The following RTN4RL1 variants were observed in gnomAD, a reference collection of about 807,000 sequenced individuals.
RTN4RL1 encodes the protein reticulon-4 receptor-like 1.
RTN4RL1 carries 7 observed loss-of-function variants against 25.6 expected under a neutral mutation model. The observed-to-expected ratio is 0.27, with a 90% CI of 0.16 to 0.51. The LOEUF is 0.51. Ranked by LOEUF, RTN4RL1 falls within the 20% of genes least tolerant of loss-of-function variation. The pLI is 0.97. For synonymous variants in RTN4RL1, 297 were observed against 288.2 expected (o/e 1.03, Z -0.31); for missense variants, 500 against 615.6 (o/e 0.81, Z 1.99).
At chr17:1,957,291 C>G in intron 1 of RTN4RL1, among the ~76,000 whole-genome samples, 1 of 152,130 alleles carries the variant, frequency 6.6e-6, no homozygotes. Flanking sequence ...TGGGAGCTCT[C>G]AGAGATTCAA....
intron 1 of RTN4RL1, chr17:2,003,288 T>C (rs1258943651): frequency 6.6e-6 from 1 of 152,184 alleles, no homozygotes; most frequent in Non-Finnish European, 1.5e-5. Flanking sequence ...CCACAGACTC[T>C]TTTGTTATGG....
rs745364865 is a variant in RTN4RL1, at chr17:1,993,140, C to T, written c.13+31713G>A. Among the ~76,000 whole-genome samples, 5 of 152,006 alleles carry T rather than the reference C, an allele frequency of 3.3e-5. 1 individual carries two copies. The South Asian group carries it at 6.2e-4, about 19-fold the overall frequency. On this transcript the variant is annotated intron_variant, in intron 1 of 1. Transcript: ENST00000331238. Reference sequence around the variant, plus strand: ...GTGAGCACCTGTGATCCCAGCTATTCGGGAGGCTGAGGCAGGAGAATCGCT... The same window carrying T: ...GTGAGCACCTGTGATCCCAGCTATTTGGGAGGCTGAGGCAGGAGAATCGCT...
At chr17:2,024,755 C>A (rs959977490) in intron 1 of RTN4RL1, 98 bp downstream of exon 1, 12 of 1,293,930 alleles carry the variant, frequency 9.3e-6, no homozygotes, top group Middle Eastern at 2.2e-4. Flanking sequence ...CCGGGGGCTA[C>A]TTCCCAGACC....
chr17:2,004,566 C>T (rs997271575), intron 1 of RTN4RL1, among the ~76,000 whole-genome samples: 2 of 152,084 alleles, frequency 1.3e-5, no homozygotes, highest in Non-Finnish European at 2.9e-5. Context: ...CACCAGTGTT[C>T]TGGGGAGGCC....
chr17:1,994,087 C>T lies in RTN4RL1; in HGVS notation c.13+30766G>A, dbSNP rs1040206695. On this transcript the variant is annotated intron_variant, in intron 1 of 1. Coordinates refer to ENST00000331238, the MANE Select transcript of RTN4RL1 (RefSeq NM_178568.4). The surrounding 1 kb of genome is among the most constrained non-coding windows in gnomAD (Gnocchi z 4.3). ...CACCCCGTTCCTCAGGACACGTGCA[C>T]TCGAACCTCGCCGCTCCGGGTCCCA... Among the ~76,000 whole-genome samples the T allele has an allele frequency of 6.6e-6, 1 of 152,126 alleles. No individual in the cohort carries two copies. The highest frequency in any genetic ancestry group is 1.5e-5 in the Non-Finnish European group (1 of 68,024).
chr17:2,003,934 G>A (rs1024574671), intron 1 of RTN4RL1, among the ~76,000 whole-genome samples: 1 of 152,204 alleles, frequency 6.6e-6, no homozygotes, highest in East Asian at 1.9e-4. Context: ...AGCTGGGCTT[G>A]TTGGCAGGTG....
chr17:1,992,533 G>A (rs534389850), intron 1 of RTN4RL1, among the ~76,000 whole-genome samples: 2 of 152,170 alleles, frequency 1.3e-5, no homozygotes, highest in Non-Finnish European at 2.9e-5. Flanking sequence ...TGCCTGGCAC[G>A]CAGTGACTGC....
At chr17:2,002,261 T>G (rs1351112962) in intron 1 of RTN4RL1, among the ~76,000 whole-genome samples, 2 of 150,164 alleles carry the variant, frequency 1.3e-5, no homozygotes, top group African/African-American at 2.5e-5. Context: ...CCTTTCTTTT[T>G]TCTTTCTCTC....
intron 1 of RTN4RL1, among the ~76,000 whole-genome samples, chr17:1,979,884 G>C (rs1483729746): frequency 6.6e-6 from 1 of 152,072 alleles, no homozygotes; most frequent in South Asian, 2.1e-4. Flanking sequence ...ACCCGGAATT[G>C]CGTGGAGAAG....
chr17:1,934,751 CACA>C lies in RTN4RL1; in HGVS notation c.*1742_*1744del, dbSNP rs1457844134. The C allele has an allele frequency of 3.9e-5, 6 of 152,824 alleles. No individual in the cohort carries two copies. The East Asian group carries it at 1.2e-3, about 29-fold the overall frequency. The allele number at this position is 152,824 out of a possible 1,614,324, so 9.5% of individuals were successfully genotyped here. A position where few individuals can be genotyped will look rare whatever the true frequency, so the allele number is the denominator to read the frequency against. ...GATTCAGCGTTTCTGGCTCCTCACA[CACA>C]TCCTCTCTGGTGGGGGATTCAGGTT... is the stretch of plus-strand genomic sequence containing the variant. On this transcript the variant is annotated 3_prime_UTR_variant, in exon 2 of 2. Transcript: ENST00000331238. The surrounding 1 kb of genome is among the most constrained non-coding windows in gnomAD (Gnocchi z 4.0).
chr17:1,973,713 AG>A (rs2066830287), intron 1 of RTN4RL1, among the ~76,000 whole-genome samples: 1 of 152,066 alleles, frequency 6.6e-6, no homozygotes, highest in South Asian at 2.1e-4. Context: ...TTGAGGGACA[AG>A]GTTACACTTT....
intron 1 of RTN4RL1, among the ~76,000 whole-genome samples, chr17:1,958,721 G>A (rs979019246): frequency 1.2e-4 from 19 of 152,344 alleles, no homozygotes; most frequent in Admixed American, 3.3e-4. Flanking sequence ...AGCAGCGTGC[G>A]GGCCGGCCGG....
At position 1,937,516 on chromosome 17, in the gene RTN4RL1, CA is replaced by C; in HGVS notation, c.305del (p.Leu102ArgfsTer24). The C allele has an allele frequency of 6.2e-7, 1 of 1,613,982 alleles. No individual in the cohort carries two copies. Among genetic ancestry groups the C allele is most frequent in the Non-Finnish European group, 8.5e-7 (1 of 1,179,882 alleles). ...GGTTGTCGCCGAGGTCCAGCTCCTCCAGGTGCACGAAGCCCTCGAAGGTGCT... is the reference window on the plus strand; with the variant it reads ...GGTTGTCGCCGAGGTCCAGCTCCTCCGGTGCACGAAGCCCTCGAAGGTGCT... Reference protein sequence around the residue: ...HPSTFEGFVHLEELDLGDNRQ... With the variant: ...HPSTFEGFVHXEELDLGDNRQ... On this transcript the variant is annotated frameshift_variant, in exon 2 of 2. Transcript: ENST00000331238. LOFTEE classifies it high-confidence loss of function.
In RTN4RL1 at chr17:1,937,126, G is replaced by T. The variant is rs1233932883; in HGVS notation, c.696C>A (p.Ser232Arg). The T allele has an allele frequency of 1.2e-6, 2 of 1,610,714 alleles. No homozygotes were observed. Among genetic ancestry groups the T allele is most frequent in the Non-Finnish European group, 1.7e-6 (2 of 1,178,990 alleles). Residue 232 changes from serine (S) to arginine (R), a missense_variant, in exon 2 of 2, where the codon AGC becomes AGA. This residue lies in a region of RTN4RL1 where 232 missense variants were observed against 341.1 expected (regional missense o/e 0.68). Coordinates refer to ENST00000331238, the MANE Select transcript of RTN4RL1 (RefSeq NM_178568.4). ...RLTTLFLFNN[S>R]LSELQGECLA... The stretch of plus-strand genomic sequence containing the variant: ...GGCACTCACCCTGCAGCTCCGAGAG[G>T]CTGTTGTTGAAGAGGAAGAGGGTGG...
chr17:1,944,450 C>T (rs1281083001), intron 1 of RTN4RL1, among the ~76,000 whole-genome samples: 2 of 152,002 alleles, frequency 1.3e-5, no homozygotes, highest in Admixed American at 6.6e-5. Context: ...TCAGCTTCTC[C>T]GGCCAAACAC....
chr17:1,946,900 CTG>C (rs984632644), intron 1 of RTN4RL1, among the ~76,000 whole-genome samples: 12 of 117,168 alleles, frequency 1.0e-4, no homozygotes, highest in Non-Finnish European at 1.5e-4. Flanking sequence ...GCACGTGTGT[CTG>C]TGTATGCACG....
At position 1,939,226 on chromosome 17, in the gene RTN4RL1, A is replaced by G. The variant is rs964541195; in HGVS notation, c.14-1418T>C. Among the ~76,000 whole-genome samples the G allele has an allele frequency of 3.4e-3, 515 of 150,144 alleles. 1 individual carries two copies. Among genetic ancestry groups the G allele is most frequent in the Middle Eastern group, 7.4e-3 (2 of 270 alleles). ...AAATTAGCCGGGCGTGGTGGCGCGC[A>G]CTTGTAGTCCCAGCTACTTGGGAGG... On this transcript the variant is annotated intron_variant, in intron 1 of 1. Coordinates refer to ENST00000331238, the MANE Select transcript of RTN4RL1 (RefSeq NM_178568.4).
At chr17:2,009,091 G>A (rs910090628) in intron 1 of RTN4RL1, among the ~76,000 whole-genome samples, 2 of 152,196 alleles carry the variant, frequency 1.3e-5, no homozygotes, top group African/African-American at 4.8e-5. Context: ...AAAGGGTGAT[G>A]TATCAATGAG....
intron 1 of RTN4RL1, among the ~76,000 whole-genome samples, chr17:1,971,919 G>A (rs9895774): frequency 0.59 from 82,633 of 139,848 alleles, 24,784 homozygotes; most frequent in Middle Eastern, 0.68. Flanking sequence ...CCGAGATTGC[G>A]CCACTGCACT....
Sources: gnomAD v4.1 joint callset for allele counts (sites outside exome capture counted in the v4.1 genomes callset) on GRCh38, gnomAD v4.1.1 for gene constraint, gnomAD v4.1.1 regional missense constraint, Gnocchi (gnomAD v3.1) non-coding constraint, MANE v1.5 for transcripts, NCBI Gene and HGNC (gene_info 2026-07-23, HGNC 2026-07-21) for gene names.